The following PLXDC2 variants were observed in gnomAD, a reference collection of about 807,000 sequenced individuals.
PLXDC2 encodes the protein plexin domain containing 2, also known as plexin domain-containing protein 2.
Under a neutral mutation model 68.9 loss-of-function variants are expected in PLXDC2, and 40 were observed. That is an observed-to-expected ratio of 0.58 (90% CI 0.45 to 0.76). PLXDC2 has a LOEUF of 0.76. PLXDC2 is among the 30% of genes least tolerant of loss of function. PLXDC2 has a pLI of 0.00. For missense variants in PLXDC2, 644 were observed against 661.9 expected (o/e 0.97, Z 0.30); for synonymous variants, 243 against 234.2 (o/e 1.04, Z -0.34).
At chr10:19,999,595 C>A (rs1350267385) in intron 1 of PLXDC2, among the ~76,000 whole-genome samples, 1 of 151,978 alleles carries the variant, frequency 6.6e-6, no homozygotes, top group African/African-American at 2.4e-5. Flanking sequence ...CTACATGACT[C>A]TTTGTGTTTG....
intron 1 of PLXDC2, among the ~76,000 whole-genome samples, chr10:19,907,717 C>T (rs967730690): frequency 6.6e-6 from 1 of 152,180 alleles, no homozygotes; most frequent in East Asian, 1.9e-4. Context: ...TCTTCAAATG[C>T]TTTTCTTGTA....
At chr10:19,991,417 A>T (rs1834749504) in intron 1 of PLXDC2, among the ~76,000 whole-genome samples, 1 of 144,864 alleles carries the variant, frequency 6.9e-6, no homozygotes, top group African/African-American at 2.6e-5. Flanking sequence ...GTGATTTTTT[A>T]AATTCAAAAT....
At chr10:20,031,649 C>T (rs913687091) in intron 2 of PLXDC2, among the ~76,000 whole-genome samples, 2 of 151,970 alleles carry the variant, frequency 1.3e-5, no homozygotes, top group Admixed American at 6.6e-5. Context: ...GCCATTGTGA[C>T]CTTTTTTCTA....
chr10:20,231,459 G>A (rs1281381805), intron 12 of PLXDC2, among the ~76,000 whole-genome samples: 2 of 151,116 alleles, frequency 1.3e-5, no homozygotes, highest in Non-Finnish European at 3.0e-5. Context: ...GATTAGAAAG[G>A]AAAAAAGGTT....
chr10:20,108,674 T>C (rs1469571828), intron 4 of PLXDC2, among the ~76,000 whole-genome samples: 2 of 152,110 alleles, frequency 1.3e-5, no homozygotes, highest in African/African-American at 4.8e-5. Context: ...TTGGGAGAAA[T>C]CTCATCATCC....
intron 1 of PLXDC2, among the ~76,000 whole-genome samples, chr10:19,856,646 C>T (rs1837220020): frequency 6.6e-6 from 1 of 152,136 alleles, no homozygotes; most frequent in Admixed American, 6.5e-5. Context: ...TCTTTCCTGG[C>T]CCTGACAGCT....
chr10:20,083,184 T>C (rs1836604620), intron 4 of PLXDC2, among the ~76,000 whole-genome samples: 1 of 152,050 alleles, frequency 6.6e-6, no homozygotes, highest in South Asian at 2.1e-4. Context: ...TTCAAATTAT[T>C]ACTATGTGCG....
chr10:20,267,305 T>A (rs536643655), intron 13 of PLXDC2, among the ~76,000 whole-genome samples: 22 of 152,184 alleles, frequency 1.4e-4, no homozygotes, highest in Non-Finnish European at 2.6e-4. Flanking sequence ...AATCAGTATC[T>A]ATCCTCTTTC....
intron 2 of PLXDC2, among the ~76,000 whole-genome samples, chr10:20,014,609 T>G (rs1341470095): frequency 2.0e-5 from 3 of 152,280 alleles, no homozygotes; most frequent in South Asian, 2.1e-4. Context: ...AAAATTACTT[T>G]TGCCGTGAGA....
chr10:20,164,438 CAT>C (rs1262872075), intron 6 of PLXDC2, 28 bp from the exon 7 acceptor site: 3 of 1,535,260 alleles, frequency 2.0e-6, no homozygotes, highest in Non-Finnish European at 2.7e-6. Context: ...TCAGATCTAA[CAT>C]ATAGTTACCT....
At chr10:20,250,387 A>T (rs1290081493) in intron 13 of PLXDC2, among the ~76,000 whole-genome samples, 1 of 151,816 alleles carries the variant, frequency 6.6e-6, no homozygotes, top group Non-Finnish European at 1.5e-5. Context: ...TCTTATTTTT[A>T]ATCTTCCCCA....
intron 2 of PLXDC2, among the ~76,000 whole-genome samples, chr10:20,022,698 G>C (rs1311309656): frequency 6.6e-6 from 1 of 152,050 alleles, no homozygotes; most frequent in East Asian, 1.9e-4. Context: ...GCCTCCTGTG[G>C]GTAACCAGAA....
chr10:20,051,218 C>T (rs1056718106), intron 3 of PLXDC2, among the ~76,000 whole-genome samples: 8 of 151,450 alleles, frequency 5.3e-5, no homozygotes, highest in African/African-American at 1.9e-4. Flanking sequence ...GAAAAACAGA[C>T]GCCGGAGTCT....
intron 1 of PLXDC2, among the ~76,000 whole-genome samples, chr10:19,824,184 T>C (rs1484258820): frequency 6.6e-6 from 1 of 152,140 alleles, no homozygotes; most frequent in Non-Finnish European, 1.5e-5. Context: ...CAGACATAGT[T>C]CTTTTGAACT....
intron 11 of PLXDC2, among the ~76,000 whole-genome samples, 199 bp from the exon 12 acceptor site, chr10:20,218,865 C>T (rs918580671): frequency 1.3e-5 from 2 of 152,118 alleles, no homozygotes; most frequent in African/African-American, 2.4e-5. Context: ...CTTGACATTA[C>T]AATCTCTGTA....
chr10:20,274,637 G>A (rs917199794), intron 13 of PLXDC2, among the ~76,000 whole-genome samples: 2 of 152,104 alleles, frequency 1.3e-5, no homozygotes, highest in Non-Finnish European at 2.9e-5. Flanking sequence ...CAATTACAAT[G>A]CTCCTGCTTG....
chr10:19,858,865 G>T (rs1211088017), intron 1 of PLXDC2, among the ~76,000 whole-genome samples: 2 of 152,098 alleles, frequency 1.3e-5, no homozygotes, highest in Non-Finnish European at 2.9e-5. Context: ...TTAAGGCTGG[G>T]TAATTTATAC....
chr10:19,846,798 T>C (rs6482067), intron 1 of PLXDC2, among the ~76,000 whole-genome samples: 136,987 of 152,168 alleles, frequency 0.9, 61,961 homozygotes, highest in African/African-American at 0.97. Context: ...TTCCTGTATT[T>C]GTCTGTTTTC....
intron 2 of PLXDC2, among the ~76,000 whole-genome samples, chr10:20,025,762 G>T (rs1041489626): frequency 6.6e-6 from 1 of 151,974 alleles, no homozygotes; most frequent in Admixed American, 6.6e-5. Flanking sequence ...TTATTCAACA[G>T]TAAGTTCCTT....
Sources: gnomAD v4.1 joint callset for allele counts (sites outside exome capture counted in the v4.1 genomes callset) on GRCh38, gnomAD v4.1.1 for gene constraint, MANE v1.5 for transcripts, NCBI Gene and HGNC (gene_info 2026-07-23, HGNC 2026-07-21) for gene names.